LRP1B: variants seen among roughly 807,000 people sequenced by gnomAD.
The protein encoded by LRP1B is LDL receptor related protein 1B.
LRP1B carries 217 observed loss-of-function variants against 556.6 expected under a neutral mutation model. The observed-to-expected ratio is 0.39, with a 90% CI of 0.35 to 0.44. The LOEUF is 0.44. Ranked by LOEUF, LRP1B falls within the 20% of genes least tolerant of loss-of-function variation. The probability of loss-of-function intolerance (pLI) is 1.00; values close to 1 mark genes in which losing one functional copy is unlikely to be tolerated. For synonymous variants in LRP1B, 2,047 were observed against 1,865.8 expected (o/e 1.10, Z -2.50); for missense variants, 5,053 against 5,620.8 (o/e 0.90, Z 3.23).
intron 20 of LRP1B, among the ~76,000 whole-genome samples, chr2:140,928,317 A>T (rs775241326): frequency 2.0e-5 from 3 of 152,202 alleles, no homozygotes; most frequent in Non-Finnish European, 4.4e-5. Context: ...CAGACTGGTT[A>T]TGCTGTGATA....
At chr2:141,544,334 C>CTTCCTCTTCTTCTTCTTCTTCTTCTT (rs1559131116) in intron 2 of LRP1B, among the ~76,000 whole-genome samples, 63 of 66,388 alleles carry the variant, frequency 9.5e-4, no homozygotes, top group African/African-American at 3.5e-3. Flanking sequence ...TCTTCTTCTT[C>CTTCCTCTTCTTCTTCTTCTTCTTCTT]TTCTTCTTCT....
At chr2:142,028,475 C>A (rs183435760) in intron 1 of LRP1B, among the ~76,000 whole-genome samples, 2 of 152,014 alleles carry the variant, frequency 1.3e-5, no homozygotes, top group East Asian at 1.9e-4. Context: ...TAGCTTAATG[C>A]ATTTTATATT....
intron 3 of LRP1B, among the ~76,000 whole-genome samples, chr2:141,361,141 G>T (rs1021392168): frequency 2.0e-5 from 3 of 151,994 alleles, no homozygotes; most frequent in African/African-American, 7.2e-5. Flanking sequence ...CAAACTATAT[G>T]AAAGTTTCAT....
At chr2:141,586,061 C>A (rs1040808414) in intron 2 of LRP1B, among the ~76,000 whole-genome samples, 1 of 152,102 alleles carries the variant, frequency 6.6e-6, no homozygotes, top group African/African-American at 2.4e-5. Flanking sequence ...ACATAAAATG[C>A]ATCTTAGGAA....
chr2:140,383,271 A>C (rs192117633), intron 67 of LRP1B, among the ~76,000 whole-genome samples: 48 of 151,186 alleles, frequency 3.2e-4, no homozygotes, highest in African/African-American at 1.1e-3. Context: ...CCACAGCCCT[A>C]ATGTATTAGG....
intron 2 of LRP1B, among the ~76,000 whole-genome samples, chr2:141,740,488 C>A (rs1693655648): frequency 6.6e-6 from 1 of 151,964 alleles, no homozygotes; most frequent in South Asian, 2.1e-4. Flanking sequence ...TATATTTTGT[C>A]AGTTACAAGA....
intron 1 of LRP1B, among the ~76,000 whole-genome samples, chr2:141,868,956 G>T (rs1019747188): frequency 6.6e-6 from 1 of 152,088 alleles, no homozygotes; most frequent in Non-Finnish European, 1.5e-5. Context: ...TGTAAAGACT[G>T]CATACTAAAC....
At chr2:141,777,634 C>G (rs1695121287) in intron 2 of LRP1B, among the ~76,000 whole-genome samples, 1 of 152,044 alleles carries the variant, frequency 6.6e-6, no homozygotes, top group Non-Finnish European at 1.5e-5. Context: ...AGGCTAGTCT[C>G]AAACTCCTGA....
At chr2:140,464,726 CT>C (rs1206100280) in intron 60 of LRP1B, among the ~76,000 whole-genome samples, 1 of 152,172 alleles carries the variant, frequency 6.6e-6, no homozygotes, top group African/African-American at 2.4e-5. Context: ...TAGTCTGAGC[CT>C]GACTATAAGT....
intron 77 of LRP1B, among the ~76,000 whole-genome samples, chr2:140,349,330 A>G: frequency 6.6e-6 from 1 of 152,104 alleles, no homozygotes; most frequent in Non-Finnish European, 1.5e-5. Flanking sequence ...TAAATTGCAA[A>G]TAATTTTTAA....
intron 7 of LRP1B, among the ~76,000 whole-genome samples, chr2:141,178,365 C>A (rs774781428): frequency 6.6e-6 from 1 of 152,108 alleles, no homozygotes; most frequent in African/African-American, 2.4e-5. Context: ...GGCTCTGGAC[C>A]AATGGCCACT....
chr2:140,915,354 T>C (rs1694543059), intron 21 of LRP1B, among the ~76,000 whole-genome samples: 1 of 151,914 alleles, frequency 6.6e-6, no homozygotes, highest in South Asian at 2.1e-4. Flanking sequence ...ACAGGATCAA[T>C]ATCTAAAGAA....
chr2:141,453,004 G>C (rs922878962), intron 3 of LRP1B, among the ~76,000 whole-genome samples: 12 of 152,134 alleles, frequency 7.9e-5, no homozygotes, highest in African/African-American at 2.9e-4. Flanking sequence ...GGGAGGCTGA[G>C]GTCGGCAGAT....
chr2:140,579,569 C>T (rs1681675870), intron 43 of LRP1B, among the ~76,000 whole-genome samples: 4 of 152,216 alleles, frequency 2.6e-5, no homozygotes, highest in South Asian at 4.2e-4. Context: ...TAGGCCGGTG[C>T]GGTGGCTCAG....
intron 5 of LRP1B, among the ~76,000 whole-genome samples, chr2:141,233,281 G>C (rs960958508): frequency 1.3e-5 from 2 of 152,160 alleles, no homozygotes; most frequent in Non-Finnish European, 2.9e-5. Flanking sequence ...CCAAGACTTT[G>C]GTTGGGTAAA....
chr2:142,109,218 A>C (rs1706874127), intron 1 of LRP1B, among the ~76,000 whole-genome samples: 2 of 152,214 alleles, frequency 1.3e-5, no homozygotes, highest in South Asian at 4.1e-4. Flanking sequence ...ATGACCTTAT[A>C]AACATTATGG....
intron 2 of LRP1B, among the ~76,000 whole-genome samples, chr2:141,647,835 A>C (rs1231657873): frequency 6.6e-6 from 1 of 151,940 alleles, no homozygotes; most frequent in Non-Finnish European, 1.5e-5. Flanking sequence ...AGAAAATTTT[A>C]ATTGAAATAA....
intron 3 of LRP1B, among the ~76,000 whole-genome samples, chr2:141,472,583 A>G (rs1462283781): frequency 6.6e-6 from 1 of 152,158 alleles, no homozygotes; most frequent in Non-Finnish European, 1.5e-5. Flanking sequence ...AACTGAAAAT[A>G]GAGTATATTG....
intron 2 of LRP1B, among the ~76,000 whole-genome samples, chr2:141,566,366 G>A (rs568138541): frequency 1.3e-5 from 2 of 152,030 alleles, no homozygotes; most frequent in African/African-American, 2.4e-5. Context: ...TGAGAATTAC[G>A]TAAAGTAGAA....
Sources: gnomAD v4.1 joint callset for allele counts (sites outside exome capture counted in the v4.1 genomes callset) on GRCh38, gnomAD v4.1.1 for gene constraint, MANE v1.5 for transcripts, NCBI Gene and HGNC (gene_info 2026-07-23, HGNC 2026-07-21) for gene names.